The following SORCS2 variants were observed in gnomAD, a reference collection of about 807,000 sequenced individuals.
The protein encoded by SORCS2 is sortilin related VPS10 domain containing receptor 2.
A neutral mutation model predicts 141.6 loss-of-function variants in SORCS2; 100 were observed. The observed-to-expected ratio is 0.71, with a 90% confidence interval of 0.60 to 0.83. The LOEUF (loss-of-function observed/expected upper bound fraction) is 0.83. Among genes scored for constraint, SORCS2 ranks in the 40% least tolerant of loss-of-function variants. SORCS2 has a pLI of 0.00. For synonymous variants in SORCS2, 789 were observed against 676.9 expected (o/e 1.17, Z -2.57); for missense variants, 1,646 against 1,560.2 (o/e 1.05, Z -0.93).
chr4:7,631,750 G>A (rs115307931), intron 3 of SORCS2, among the ~76,000 whole-genome samples: 2 of 152,280 alleles, frequency 1.3e-5, no homozygotes, highest in South Asian at 4.1e-4. Context: ...GAGGGGCCAA[G>A]AGGGAAGAAT....
At chr4:7,199,228 A>T (rs1727350372) in intron 1 of SORCS2, among the ~76,000 whole-genome samples, 1 of 152,168 alleles carries the variant, frequency 6.6e-6, no homozygotes, top group South Asian at 2.1e-4. Context: ...CTTCTCTTGA[A>T]GTGCTTGTGG....
intron 2 of SORCS2, among the ~76,000 whole-genome samples, chr4:7,526,104 G>T (rs1733680026): frequency 6.6e-6 from 1 of 152,228 alleles, no homozygotes; most frequent in African/African-American, 2.4e-5. Flanking sequence ...CAGCAGTAAT[G>T]ATGAGCCCTG....
At chr4:7,412,498 C>G (rs899832631) in intron 2 of SORCS2, among the ~76,000 whole-genome samples, 1 of 152,148 alleles carries the variant, frequency 6.6e-6, no homozygotes, top group African/African-American at 2.4e-5. Context: ...CTTCCTAGCC[C>G]ATAAGATCGT....
intron 2 of SORCS2, among the ~76,000 whole-genome samples, chr4:7,417,384 A>G (rs982510982): frequency 2.6e-5 from 4 of 152,058 alleles, no homozygotes; most frequent in African/African-American, 4.8e-5. Context: ...GCCACTCTGG[A>G]TGGAGTTTGC....
rs187733044 is a variant in SORCS2 at position 7,535,199 on chromosome 4, G to C, written c.648+3570G>C. Among the ~76,000 whole-genome samples the C allele has an allele frequency of 1.8e-4, 27 of 152,288 alleles. No individual in the cohort carries two copies. In the East Asian group the frequency reaches 4.4e-3, roughly 25 times the overall value. ...GACAAAACTGATCTCTCTCCGGAAG[G>C]CCATGATCCCCTAGGTTGGAGGCAC... On this transcript the variant is annotated intron_variant, in intron 3 of 26. Transcript: ENST00000507866.
intron 10 of SORCS2, 101 bp downstream of exon 10, chr4:7,682,990 A>G: frequency 7.2e-7 from 1 of 1,391,708 alleles, no homozygotes; most frequent in Non-Finnish European, 9.7e-7. Flanking sequence ...GAGAAGGACC[A>G]TCTGAGACAC....
Position 7,676,824 on chromosome 4 carries a change from T to TCTCTCTCTCTCTCTCTCTCTCTCTCC in SORCS2, c.1341+600_1341+601insTCTCTCTCTCTCTCTCTCTCCCTCTC, listed in dbSNP as rs765132758. Reference sequence around the variant, plus strand: ...TTCTGTCTCTCTCTCTCTCTCTCTCTCTCTCCCTCTCTCCACCCCAGCCCT... The same window carrying TCTCTCTCTCTCTCTCTCTCTCTCTCC: ...TTCTGTCTCTCTCTCTCTCTCTCTCTCTCTCTCTCTCTCTCTCTCTCTCTCCCTCTCCCTCTCTCCACCCCAGCCCT... On this transcript the variant is annotated intron_variant, in intron 9 of 26. Coordinates refer to ENST00000507866, the MANE Select transcript of SORCS2 (RefSeq NM_020777.3). Among the ~76,000 whole-genome samples the TCTCTCTCTCTCTCTCTCTCTCTCTCC allele has an allele frequency of 1.2e-3, 60 of 49,102 alleles. 16 individuals carry two copies. The highest frequency in any genetic ancestry group is 1.9e-3 in the African/African-American group (21 of 11,318). 32.2% of individuals were successfully genotyped at this position (49,102 alleles called of 152,430 possible).
intron 6 of SORCS2, 46 bp downstream of exon 6, chr4:7,661,610 G>A (rs573526167): frequency 3.3e-6 from 5 of 1,528,024 alleles, no homozygotes; most frequent in East Asian, 2.5e-5. Flanking sequence ...GAGTCACCTC[G>A]CACCCGACAC....
At chr4:7,261,091 CT>C (rs959899838) in intron 1 of SORCS2, among the ~76,000 whole-genome samples, 19 of 152,218 alleles carry the variant, frequency 1.2e-4, no homozygotes, top group African/African-American at 4.6e-4. Context: ...TGGCTTTCCC[CT>C]GTATGGTCAG....
chr4:7,508,058 C>T (rs1209992130), intron 2 of SORCS2, among the ~76,000 whole-genome samples: 1 of 151,958 alleles, frequency 6.6e-6, no homozygotes, highest in Non-Finnish European at 1.5e-5. Context: ...GGTGTCTGTC[C>T]GTGTCGCGTG....
chr4:7,712,293 C>T (rs1367503024), intron 14 of SORCS2, among the ~76,000 whole-genome samples: 2 of 152,232 alleles, frequency 1.3e-5, no homozygotes, highest in South Asian at 2.1e-4. Context: ...CTCACACGGT[C>T]AGGCTGGGAG....
chr4:7,727,965 G>T (rs896716450), intron 21 of SORCS2, among the ~76,000 whole-genome samples: 1 of 152,192 alleles, frequency 6.6e-6, no homozygotes, highest in African/African-American at 2.4e-5. Context: ...TGACCTCATA[G>T]GGTGTGTTCA....
intron 1 of SORCS2, among the ~76,000 whole-genome samples, chr4:7,355,418 C>A (rs1386031467): frequency 1.3e-5 from 2 of 152,174 alleles, no homozygotes; most frequent in Admixed American, 6.5e-5. Context: ...CAAAAATCCC[C>A]CCAAAGTTAA....
intron 2 of SORCS2, among the ~76,000 whole-genome samples, chr4:7,443,385 G>A (rs558562092): frequency 7.3e-4 from 111 of 152,328 alleles, no homozygotes; most frequent in Non-Finnish European, 1.2e-3. Flanking sequence ...GGACTCACCA[G>A]TCTCTGGCTG....
At chr4:7,724,106 G>GTGGTGGTGA (rs1244243748) in intron 19 of SORCS2, among the ~76,000 whole-genome samples, 3 of 149,780 alleles carry the variant, frequency 2.0e-5, no homozygotes, top group Non-Finnish European at 3.0e-5. Context: ...ATTGATGATA[G>GTGGTGGTGA]TGGTGGTGAT....
At chr4:7,284,577 G>A (rs1174213271) in intron 1 of SORCS2, among the ~76,000 whole-genome samples, 5 of 152,162 alleles carry the variant, frequency 3.3e-5, no homozygotes, top group East Asian at 3.9e-4. Flanking sequence ...TGCTCCAGGA[G>A]GTGAGGACAG....
intron 4 of SORCS2, among the ~76,000 whole-genome samples, chr4:7,652,935 T>C (rs1390720228): frequency 6.6e-6 from 1 of 152,214 alleles, no homozygotes; most frequent in Non-Finnish European, 1.5e-5. Flanking sequence ...TCTCTGGGCC[T>C]GTCACCATGT....
intron 3 of SORCS2, among the ~76,000 whole-genome samples, chr4:7,561,012 G>A (rs1017407750): frequency 2.0e-5 from 3 of 152,106 alleles, no homozygotes; most frequent in African/African-American, 7.2e-5. Flanking sequence ...AATGTATGGG[G>A]GTGGCAGTTG....
At position 7,461,413 on chromosome 4, in the gene SORCS2, C is replaced by T. The variant is rs557100653; in HGVS notation, c.548+65058C>T. On this transcript the variant is annotated intron_variant, in intron 2 of 26. Transcript: ENST00000507866. ...GACCTCTGGGCTGTCAGCCTGGCCG[C>T]GCCAAGGCCGCCTCTGCATGGTGGC... 1.1e-4 allele frequency among the ~76,000 whole-genome samples: 16 copies of T among 152,290 alleles called. No homozygotes were observed. The Middle Eastern group carries it at 0.01, about 97-fold the overall frequency.
Sources: allele counts gnomAD v4.1 joint callset (sites outside exome capture counted in the v4.1 genomes callset), GRCh38; gene constraint gnomAD v4.1.1; transcripts MANE v1.5; gene names NCBI Gene and HGNC (gene_info 2026-07-23, HGNC 2026-07-21).